DNAJC17: variants seen among roughly 807,000 people sequenced by gnomAD.
DNAJC17 encodes the protein dnaJ homolog subfamily C member 17.
In DNAJC17, 35 loss-of-function variants were observed where a neutral mutation model predicts 48.1. The observed-to-expected ratio is 0.73, with a 90% CI of 0.56 to 0.96. DNAJC17 has a LOEUF of 0.96. DNAJC17 is among the 50% of genes least tolerant of loss of function. The pLI is 0.00. For missense variants in DNAJC17, 355 were observed against 377.1 expected (o/e 0.94, Z 0.48); for synonymous variants, 117 against 142.7 (o/e 0.82, Z 1.28).
At chr15:40,794,729 A>G (rs1283585505) in intron 1 of DNAJC17, among the ~76,000 whole-genome samples, 1 of 152,014 alleles carries the variant, frequency 6.6e-6, no homozygotes, top group African/African-American at 2.4e-5. Flanking sequence ...TTATTTATTT[A>G]TTTTTTGAGA....
chr15:40,796,303 G>A (rs1889939076), intron 1 of DNAJC17, among the ~76,000 whole-genome samples: 1 of 152,116 alleles, frequency 6.6e-6, no homozygotes. Flanking sequence ...TAAGCAAATG[G>A]GCATGTACTA....
intron 1 of DNAJC17, chr15:40,780,350 T>C (rs1296836463): frequency 2.1e-6 from 1 of 485,624 alleles, no homozygotes; most frequent in Non-Finnish European, 4.0e-6. Context: ...TGGGGCAACC[T>C]ATCTGGAAGA....
chr15:40,774,487 C>A, intron 8 of DNAJC17, 51 bp from the exon 9 acceptor site: 1 of 1,600,482 alleles, frequency 6.2e-7, no homozygotes, highest in South Asian at 1.1e-5. Flanking sequence ...TCAGGATGGC[C>A]CAGGTCATGC....
At chr15:40,798,607 C>T (rs973077632) in intron 1 of DNAJC17, among the ~76,000 whole-genome samples, 50 of 152,120 alleles carry the variant, frequency 3.3e-4, no homozygotes, top group African/African-American at 1.1e-3. Flanking sequence ...TGGCAGGGAA[C>T]GTGCAGGACA....
rs371155421 is a variant in DNAJC17 at position 40,767,214 on chromosome 15, G to A, written c.*726C>T. The A allele has an allele frequency of 2.9e-4, 438 of 1,498,416 alleles. 3 individuals are homozygous for A. The African/African-American group carries it at 5.9e-3, about 20-fold the overall frequency. 92.8% of individuals were successfully genotyped at this position (1,498,416 alleles called of 1,614,324 possible). ...TGCCCCTCCTCACCCCCCCCATCCT[G>A]TCTCTTTGCAGTTATGAATACTACG... On this transcript the variant is annotated 3_prime_UTR_variant, in exon 11 of 11. Coordinates refer to ENST00000220496, the MANE Select transcript of DNAJC17 (RefSeq NM_018163.3).
At position 40,767,558 on chromosome 15, in the gene DNAJC17, C is replaced by T; in HGVS notation, c.*382G>A. 1 of 621,912 alleles carries T rather than the reference C, an allele frequency of 1.6e-6. No individual in the cohort carries two copies. Among genetic ancestry groups the T allele is most frequent in the Non-Finnish European group, 2.6e-6 (1 of 381,308 alleles). The allele number at this position is 621,912 out of a possible 1,614,324, so 38.5% of individuals were successfully genotyped here. On this transcript the variant is annotated 3_prime_UTR_variant, in exon 11 of 11. Transcript: ENST00000220496. ...GCAGTGCCCGGTGCCCTGGTGCTCC[C>T]AGCTGCCCTCCTGCTTCGGGCCTGG... is the stretch of plus-strand genomic sequence containing the variant.
chr15:40,802,164 T>G (rs1596102643), intron 1 of DNAJC17, among the ~76,000 whole-genome samples: 1 of 145,888 alleles, frequency 6.9e-6, no homozygotes, highest in African/African-American at 2.7e-5. Context: ...ATTGAAAGAG[T>G]TCAATTTTTT....
rs1566821273 is a variant in DNAJC17, at chr15:40,774,409, A to G, written c.628T>C (p.Ser210Pro). ...KYGEVLNLVL[S>P]SKKPGTAVVE... ...ACAGCAGTGCCTGGCTTCTTACTGGAAAGCACCAGGTTGAGAACCTCACCA... is the reference window on the plus strand; with the variant it reads ...ACAGCAGTGCCTGGCTTCTTACTGGGAAGCACCAGGTTGAGAACCTCACCA... The change falls in exon 9 of 11, where the codon TCC (serine) becomes CCC (proline). Residue 210 changes from serine to proline, a missense_variant. Ser to Pro is a moderately conservative substitution (Grantham distance 74, BLOSUM62 -1). Around this residue, in one of 3 missense-constraint regions of DNAJC17, gnomAD observed 68 missense variants for 109.5 expected, o/e 0.62. Coordinates refer to ENST00000220496, the MANE Select transcript of DNAJC17 (RefSeq NM_018163.3). 1 of 1,614,066 alleles carries G rather than the reference A, an allele frequency of 6.2e-7. No homozygotes were observed. The highest frequency in any genetic ancestry group is 2.2e-5 in the East Asian group (1 of 44,882).
At chr15:40,794,895 T>G (rs182791898) in intron 1 of DNAJC17, among the ~76,000 whole-genome samples, 14 of 152,044 alleles carry the variant, frequency 9.2e-5, no homozygotes, top group African/African-American at 3.4e-4. Context: ...TTTTTTGTAT[T>G]TTTAGTAGAG....
intron 1 of DNAJC17, among the ~76,000 whole-genome samples, chr15:40,789,927 A>AAAAAG (rs1566827647): frequency 4.2e-4 from 63 of 149,524 alleles, no homozygotes; most frequent in African/African-American, 8.6e-4. Flanking sequence ...AAAAAAAAAA[A>AAAAAG]AAAAGAAAAG....
At position 40,767,433 on chromosome 15, in the gene DNAJC17, T is replaced by A. The variant is rs1476561739; in HGVS notation, c.*507A>T. On this transcript the variant is annotated 3_prime_UTR_variant, in exon 11 of 11. Coordinates refer to ENST00000220496, the MANE Select transcript of DNAJC17 (RefSeq NM_018163.3). ...ACCTCCAAGCTCCTGCCTCACCGTC[T>A]GCCTTGCTCCTCTCTTCCCAAATCA... 16 of 1,425,370 alleles carry A rather than the reference T, an allele frequency of 1.1e-5. No homozygotes were observed. Among genetic ancestry groups the A allele is most frequent in the Non-Finnish European group, 1.4e-5 (15 of 1,064,580 alleles). The allele number at this position is 1,425,370 out of a possible 1,614,324, so 88.3% of individuals were successfully genotyped here.
intron 1 of DNAJC17, among the ~76,000 whole-genome samples, chr15:40,790,213 C>T (rs1157507778): frequency 3.3e-5 from 5 of 152,078 alleles, no homozygotes; most frequent in Admixed American, 2.0e-4. Flanking sequence ...CCCACAGACC[C>T]GTCTCCTGTT....
intron 1 of DNAJC17, among the ~76,000 whole-genome samples, chr15:40,791,132 G>GT (rs1478832743): frequency 1.7e-4 from 26 of 152,278 alleles, no homozygotes; most frequent in Middle Eastern, 6.8e-3. Flanking sequence ...GAGCCCAGGA[G>GT]TTTGAGATCA....
chr15:40,799,010 G>C (rs191643531), intron 1 of DNAJC17, among the ~76,000 whole-genome samples: 55 of 152,106 alleles, frequency 3.6e-4, no homozygotes, highest in African/African-American at 1.3e-3. Context: ...ACGAGGTGAG[G>C]AGATAGAGAC....
At chr15:40,804,057 C>A (rs1034186649) in intron 1 of DNAJC17, among the ~76,000 whole-genome samples, 8 of 151,684 alleles carry the variant, frequency 5.3e-5, no homozygotes, top group African/African-American at 1.9e-4. Context: ...ACTGAAACTT[C>A]CCAGGCTCAA....
At chr15:40,797,702 G>A (rs62018584) in intron 1 of DNAJC17, among the ~76,000 whole-genome samples, 41,099 of 141,086 alleles carry the variant, frequency 0.29, 6,673 homozygotes, top group South Asian at 0.42. Context: ...GTAAGCCACC[G>A]CACCTGGCCG....
intron 1 of DNAJC17, among the ~76,000 whole-genome samples, chr15:40,797,054 A>G (rs947788260): frequency 4.6e-5 from 7 of 152,010 alleles, no homozygotes; most frequent in African/African-American, 1.7e-4. Flanking sequence ...GGCATTATCC[A>G]CCACACTAGA....
rs202144307 is a variant in DNAJC17, at chr15:40,767,332, T to C, written c.*608A>G. The C allele has an allele frequency of 1.4e-4, 231 of 1,601,412 alleles. No homozygotes were observed. The highest frequency in any genetic ancestry group is 1.9e-4 in the Non-Finnish European group (223 of 1,174,882). The stretch of plus-strand genomic sequence containing the variant: ...GGGGGTGGGCCAGACGCTGGTGTGG[T>C]GTCTGCACAAGGAGTGACCTTCTCA... On this transcript the variant is annotated 3_prime_UTR_variant, in exon 11 of 11. Coordinates refer to ENST00000220496, the MANE Select transcript of DNAJC17 (RefSeq NM_018163.3).
At chr15:40,773,031 G>C (rs1889201205) in intron 10 of DNAJC17, among the ~76,000 whole-genome samples, 1 of 151,106 alleles carries the variant, frequency 6.6e-6, no homozygotes, top group Non-Finnish European at 1.5e-5. Flanking sequence ...CACGATCTCG[G>C]CTCACTGCAA....
Sources: gnomAD v4.1 joint callset for allele counts (sites outside exome capture counted in the v4.1 genomes callset) on GRCh38, gnomAD v4.1.1 for gene constraint, gnomAD v4.1.1 regional missense constraint, MANE v1.5 for transcripts, NCBI Gene and HGNC (gene_info 2026-07-23, HGNC 2026-07-21) for gene names.